The following LRRC8C variants were observed in gnomAD, a reference collection of about 807,000 sequenced individuals.
LRRC8C encodes leucine rich repeat containing 8 VRAC subunit C.
LRRC8C carries 20 observed loss-of-function variants against 55.3 expected under a neutral mutation model. That is an observed-to-expected ratio of 0.36 (90% CI 0.25 to 0.53). The LOEUF is 0.53. LRRC8C is among the 20% of genes least tolerant of loss of function. LRRC8C has a pLI of 0.92. For missense variants in LRRC8C, 659 were observed against 951.4 expected (o/e 0.69, Z 4.04); for synonymous variants, 376 against 360.7 (o/e 1.04, Z -0.48).
intron 2 of LRRC8C, among the ~76,000 whole-genome samples, chr1:89,710,831 C>A (rs1269869280): frequency 6.6e-6 from 1 of 152,150 alleles, no homozygotes; most frequent in African/African-American, 2.4e-5. Flanking sequence ...AAATTGGGAT[C>A]CCTCTGGCTT....
chr1:89,669,537 A>G lies in LRRC8C; in HGVS notation c.-4-16933A>G, dbSNP rs1275171720. On this transcript the variant is annotated intron_variant, in intron 1 of 2. Transcript: ENST00000370454. ...TAATATTAGTAGCTGTCATCTATTG[A>G]GTGCTAATTCCTGCCCAGTACCATG... Among the ~76,000 whole-genome samples the G allele has an allele frequency of 5.3e-5, 8 of 152,292 alleles. No homozygotes were observed. The South Asian group carries it at 1.5e-3, about 28-fold the overall frequency.
At chr1:89,698,540 C>T (rs190821267) in intron 2 of LRRC8C, among the ~76,000 whole-genome samples, 1 of 152,194 alleles carries the variant, frequency 6.6e-6, no homozygotes, top group African/African-American at 2.4e-5. Flanking sequence ...GCATTTCTCA[C>T]GGTGCATAAC....
At chr1:89,616,528 T>C in the LRRC8C span, among the ~76,000 whole-genome samples, 1 of 152,220 alleles carries the variant, frequency 6.6e-6, no homozygotes, top group African/African-American at 2.4e-5. Flanking sequence ...CAAAGAGATT[T>C]CATTATTGTC....
At chr1:89,619,804 G>C in the LRRC8C span, among the ~76,000 whole-genome samples, 1 of 152,088 alleles carries the variant, frequency 6.6e-6, no homozygotes, top group Non-Finnish European at 1.5e-5. Context: ...GTCAGGCTCT[G>C]TTCTAATATT....
chr1:89,670,757 A>T (rs1657391954), intron 1 of LRRC8C, among the ~76,000 whole-genome samples: 1 of 152,222 alleles, frequency 6.6e-6, no homozygotes. Context: ...AATCTATTCC[A>T]TCTTTAAATT....
chr1:89,704,587 A>C (rs970786954), intron 2 of LRRC8C, among the ~76,000 whole-genome samples: 1 of 152,292 alleles, frequency 6.6e-6, no homozygotes, highest in African/African-American at 2.4e-5. Context: ...ATCAGGGCTC[A>C]TGAAGGAATG....
chr1:89,660,212 A>C (rs1657076600), intron 1 of LRRC8C, among the ~76,000 whole-genome samples: 1 of 152,216 alleles, frequency 6.6e-6, no homozygotes, highest in Non-Finnish European at 1.5e-5. Flanking sequence ...AAATCATTTT[A>C]AGTGAGTAAA....
intron 1 of LRRC8C, among the ~76,000 whole-genome samples, chr1:89,665,939 A>G (rs1330455129): frequency 6.6e-6 from 1 of 152,116 alleles, no homozygotes; most frequent in Non-Finnish European, 1.5e-5. Context: ...AATACTTACT[A>G]TTATGTTGCA....
At chr1:89,685,336 T>C (rs12410795) in intron 1 of LRRC8C, among the ~76,000 whole-genome samples, 9,770 of 144,984 alleles carry the variant, frequency 0.067, 678 homozygotes, top group African/African-American at 0.17. Flanking sequence ...AGGATGGTCT[T>C]GATCTCCTGA....
At chr1:89,663,666 T>C (rs930181922) in intron 1 of LRRC8C, among the ~76,000 whole-genome samples, 2 of 152,156 alleles carry the variant, frequency 1.3e-5, no homozygotes, top group Non-Finnish European at 2.9e-5. Context: ...CTGGGTCAAA[T>C]GGTGTTTCCA....
chr1:89,642,235 A>G (rs970577957), intron 1 of LRRC8C, among the ~76,000 whole-genome samples: 1 of 152,174 alleles, frequency 6.6e-6, no homozygotes, highest in Non-Finnish European at 1.5e-5. Flanking sequence ...AGATAGTTAT[A>G]TTCCGTACTG....
At chr1:89,643,017 CAAAAAAAA>C (rs34145647) in intron 1 of LRRC8C, among the ~76,000 whole-genome samples, 4 of 109,510 alleles carry the variant, frequency 3.7e-5, no homozygotes, top group African/African-American at 1.3e-4. Flanking sequence ...GACTGTGTCT[CAAAAAAAA>C]AAAAAAAAAA....
intron 1 of LRRC8C, among the ~76,000 whole-genome samples, chr1:89,633,672 G>A (rs1308390303): frequency 1.3e-5 from 2 of 152,192 alleles, no homozygotes; most frequent in Non-Finnish European, 2.9e-5. Context: ...GTCCGTGGCC[G>A]GGGCGATCGT....
In LRRC8C at chr1:89,714,485, T is replaced by C; in HGVS notation, c.1915T>C (p.Leu639=). The stretch of plus-strand genomic sequence containing the variant: ...CGTTAGCTTTCAGCACTTAAGAAAG[T>C]TGACAGTGCTAAAACTGTGGCATAA... ...EIVSFQHLRK[L]TVLKLWHNSI... The change falls in exon 3 of 3, where the codon TTG becomes CTG. Residue 639 remains leucine, a synonymous_variant. Coordinates refer to ENST00000370454, the MANE Select transcript of LRRC8C (RefSeq NM_032270.5). The surrounding 1 kb of genome is among the most constrained non-coding windows in gnomAD (Gnocchi z 4.6). 6.2e-7 allele frequency: 1 copy of C among 1,614,160 alleles called. No homozygotes were observed. Among genetic ancestry groups the C allele is most frequent in the Non-Finnish European group, 8.5e-7 (1 of 1,180,014 alleles).
chr1:89,660,010 C>A (rs1657069319), intron 1 of LRRC8C, among the ~76,000 whole-genome samples: 1 of 152,110 alleles, frequency 6.6e-6, no homozygotes, highest in African/African-American at 2.4e-5. Flanking sequence ...CAGCCACGGG[C>A]TTCCAAAATA....
intron 2 of LRRC8C, among the ~76,000 whole-genome samples, chr1:89,687,465 A>C (rs753319821): frequency 1.3e-5 from 2 of 152,214 alleles, no homozygotes; most frequent in Non-Finnish European, 2.9e-5. Context: ...CTGTCAGTAG[A>C]ACTGGCACAT....
chr1:89,624,764 GAATTT>G, the LRRC8C span: 1 of 152,100 alleles, frequency 6.6e-6, no homozygotes, highest in Non-Finnish European at 1.5e-5. Flanking sequence ...CTATTCTAAG[GAATTT>G]TATTCTTTTG....
At chr1:89,663,550 A>G (rs1222371000) in intron 1 of LRRC8C, among the ~76,000 whole-genome samples, 1 of 150,660 alleles carries the variant, frequency 6.6e-6, no homozygotes, top group African/African-American at 2.5e-5. Flanking sequence ...AGCCTGGGCG[A>G]CAGAGCGAGA....
intron 1 of LRRC8C, among the ~76,000 whole-genome samples, chr1:89,678,472 C>T (rs1466696049): frequency 4.6e-5 from 7 of 151,972 alleles, no homozygotes; most frequent in Non-Finnish European, 5.9e-5. Context: ...AGGCCAAGGC[C>T]GGTGGATCAC....
Sources: allele counts gnomAD v4.1 joint callset (sites outside exome capture counted in the v4.1 genomes callset), GRCh38; gene constraint gnomAD v4.1.1; non-coding constraint Gnocchi (gnomAD v3.1); transcripts MANE v1.5; gene names NCBI Gene and HGNC (gene_info 2026-07-23, HGNC 2026-07-21).